The following TRIP11 variants were observed in gnomAD, a reference collection of about 807,000 sequenced individuals.
TRIP11 encodes the protein thyroid receptor-interacting protein 11.
A neutral mutation model predicts 223.1 loss-of-function variants in TRIP11; 148 were observed. The observed-to-expected ratio is 0.66, with a 90% CI of 0.58 to 0.76. TRIP11 has a LOEUF of 0.76. TRIP11 is among the 30% of genes least tolerant of loss of function. TRIP11 has a pLI of 0.00. For synonymous variants in TRIP11, 762 were observed against 772.6 expected (o/e 0.99, Z 0.23); for missense variants, 2,043 against 2,222.0 (o/e 0.92, Z 1.62).
chr14:91,997,033 G>A (rs1381267485), intron 13 of TRIP11, among the ~76,000 whole-genome samples: 2 of 152,146 alleles, frequency 1.3e-5, no homozygotes, highest in Admixed American at 6.5e-5. Context: ...TCATTTTGAA[G>A]AGACTTTACC....
chr14:91,992,083 A>AT (rs909109660), intron 15 of TRIP11, among the ~76,000 whole-genome samples: 2 of 144,922 alleles, frequency 1.4e-5, no homozygotes, highest in Non-Finnish European at 3.0e-5. Context: ...CCGTCTCAAA[A>AT]AAAAAAAAAA....
chr14:92,019,384 T>A (rs2057081256), intron 4 of TRIP11, among the ~76,000 whole-genome samples: 1 of 152,212 alleles, frequency 6.6e-6, no homozygotes, highest in Admixed American at 6.5e-5. Flanking sequence ...CCACAGAAGA[T>A]CTACAATACT....
intron 7 of TRIP11, 112 bp from the exon 8 acceptor site, chr14:92,011,907 AAGCAGTAAC>A: frequency 1.1e-6 from 1 of 880,818 alleles, no homozygotes; most frequent in Non-Finnish European, 1.8e-6. Flanking sequence ...CACCACTGGC[AAGCAGTAAC>A]AGTTCTGAGT....
intron 2 of TRIP11, among the ~76,000 whole-genome samples, chr14:92,032,091 C>T (rs762382631): frequency 2.6e-5 from 4 of 152,080 alleles, no homozygotes; most frequent in South Asian, 2.1e-4. Flanking sequence ...TGAGCCACTG[C>T]GCCCAATCTA....
chr14:91,986,809 C>G (rs1436331585), intron 16 of TRIP11, among the ~76,000 whole-genome samples: 1 of 152,186 alleles, frequency 6.6e-6, no homozygotes, highest in Admixed American at 6.5e-5. Context: ...TTCGATCTAA[C>G]TAGACTGTTT....
At position 92,004,357 on chromosome 14, in the gene TRIP11, G is replaced by A. The variant is rs1595387309; in HGVS notation, c.3619C>T (p.Leu1207Phe). The change falls in exon 11 of 21, where the codon CTT (leucine) becomes TTT (phenylalanine). Residue 1207 changes from leucine to phenylalanine, a missense_variant. Coordinates refer to ENST00000267622, the MANE Select transcript of TRIP11 (RefSeq NM_004239.4). ...GGVNSNQFEE[L>F]LQERDKLKQQ... is the part of the protein sequence containing the mutation. ...TTTAACTTGTCACGTTCCTGTAGAA[G>A]CTCCTCAAATTGATTACTATTAACA... 3.7e-6 allele frequency: 6 copies of A among 1,614,080 alleles called. No individual in the cohort carries two copies. The highest frequency in any genetic ancestry group is 3.3e-5 in the Admixed American group (2 of 60,022).
At chr14:92,017,029 G>T (rs2057043169) in intron 5 of TRIP11, among the ~76,000 whole-genome samples, 1 of 152,094 alleles carries the variant, frequency 6.6e-6, no homozygotes, top group African/African-American at 2.4e-5. Flanking sequence ...TCCAATGCAT[G>T]ATATTAGTAT....
chr14:92,034,482 C>T (rs2057302847), intron 1 of TRIP11, among the ~76,000 whole-genome samples: 1 of 150,484 alleles, frequency 6.6e-6, no homozygotes, highest in Non-Finnish European at 1.5e-5. Flanking sequence ...TCTGAGATAA[C>T]AACAGTGCTC....
intron 2 of TRIP11, chr14:92,026,728 G>A (rs776831597): frequency 2.3e-5 from 24 of 1,041,226 alleles, no homozygotes; most frequent in Non-Finnish European, 3.0e-5. Context: ...ACAGGAAGAA[G>A]GTGGGGAGGA....
Position 92,015,846 on chromosome 14 carries a change from G to C in TRIP11, c.673C>G (p.Arg225Gly). 1.2e-6 allele frequency: 2 copies of C among 1,610,864 alleles called. No individual in the cohort carries two copies. Among genetic ancestry groups the C allele is most frequent in the South Asian group, 1.1e-5 (1 of 90,796 alleles). The change falls in exon 6 of 21, where the codon CGA (arginine) becomes GGA (glycine). Residue 225 changes from arginine (R) to glycine (G), a missense_variant. Arg to Gly is a moderately radical substitution (Grantham distance 125). Transcript: ENST00000267622. ...TGATGGTCATCAATTTCCTGACTTC[G>C]GTTCTGTTTTAGTTCCTTAAAAAAT... ...QNIIKELKQNRSQEIDDHQHE... is the reference protein window; with the variant it reads ...QNIIKELKQNGSQEIDDHQHE...
chr14:92,007,665 T>C lies in TRIP11; in HGVS notation c.1502A>G (p.Asp501Gly). The change falls in exon 10 of 21, where the codon GAC (aspartate) becomes GGC (glycine). Residue 501 changes from aspartate to glycine, a missense_variant. Transcript: ENST00000267622. ...ETLIAEIEEL[D>G]RQNQEATKHM... ...CTTTGTAGCTTCTTGATTCTGTCTG[T>C]CCAATTCTTCTATCTCAGCTATCAG... 15 of 1,613,564 alleles carry C rather than the reference T, an allele frequency of 9.3e-6. No homozygotes were observed. Among genetic ancestry groups the C allele is most frequent in the Non-Finnish European group, 1.3e-5 (15 of 1,179,948 alleles).
At position 91,999,373 on chromosome 14, in the gene TRIP11, G is replaced by A; in HGVS notation, c.4759C>T (p.His1587Tyr). The A allele has an allele frequency of 6.2e-7, 1 of 1,613,858 alleles. No individual in the cohort carries two copies. Among genetic ancestry groups the A allele is most frequent in the Non-Finnish European group, 8.5e-7 (1 of 1,179,892 alleles). Residue 1587 changes from histidine (H) to tyrosine (Y), a missense_variant, in exon 13 of 21, where the codon CAT (histidine) becomes TAT (tyrosine). By Grantham distance (83) the His-to-Tyr change is moderately conservative. Coordinates refer to ENST00000267622, the MANE Select transcript of TRIP11 (RefSeq NM_004239.4). Reference sequence around the variant, plus strand: ...TAAGAATCTTCTGATTCTAAAAGATGATTACGCAATCTCTCTAGCTCTTGG... The same window carrying A: ...TAAGAATCTTCTGATTCTAAAAGATAATTACGCAATCTCTCTAGCTCTTGG... ...SNQELERLRN[H>Y]LLESEDSYTR...
intron 14 of TRIP11, among the ~76,000 whole-genome samples, chr14:91,994,871 T>C: frequency 6.6e-6 from 1 of 152,192 alleles, no homozygotes; most frequent in Non-Finnish European, 1.5e-5. Context: ...CTAGAAAATG[T>C]AGTTACCTCA....
At chr14:91,999,114 TTTC>T in intron 13 of TRIP11, 123 bp downstream of exon 13, 1 of 1,104,920 alleles carries the variant, frequency 9.1e-7, no homozygotes, top group Non-Finnish European at 1.3e-6. Flanking sequence ...TTACCTTCAG[TTTC>T]TTCATCCATA....
At position 91,978,823 on chromosome 14, in the gene TRIP11, A is replaced by G. The variant is rs1030713747; in HGVS notation, c.5261-2634T>C. 3.9e-5 allele frequency among the ~76,000 whole-genome samples: 6 copies of G among 152,136 alleles called. No individual in the cohort carries two copies. Among genetic ancestry groups the G allele is most frequent in the African/African-American group, 1.4e-4 (6 of 41,432 alleles). Reference sequence around the variant, plus strand: ...CCTATATAAAACATATTATCAAACAATTTCACCTATAGCTTTTTACTGTTT... The same window carrying G: ...CCTATATAAAACATATTATCAAACAGTTTCACCTATAGCTTTTTACTGTTT... On this transcript the variant is annotated intron_variant, in intron 16 of 20. Transcript: ENST00000267622. The surrounding 1 kb of genome is among the most constrained non-coding windows in gnomAD (Gnocchi z 4.4).
intron 16 of TRIP11, among the ~76,000 whole-genome samples, chr14:91,979,994 G>A (rs1386254738): frequency 7.0e-6 from 1 of 142,328 alleles, no homozygotes; most frequent in Non-Finnish European, 1.5e-5. Context: ...AAAAAAAAAA[G>A]GTGGAGGGGG....
chr14:92,001,095 A>C (rs1236344107), intron 11 of TRIP11, among the ~76,000 whole-genome samples: 3 of 152,106 alleles, frequency 2.0e-5, no homozygotes, highest in African/African-American at 7.2e-5. Context: ...TCCTGTCCTC[A>C]GGGGATCCAC....
At chr14:91,985,608 A>C (rs552449717) in intron 16 of TRIP11, among the ~76,000 whole-genome samples, 190 of 152,388 alleles carry the variant, frequency 1.2e-3, no homozygotes, top group Non-Finnish European at 1.5e-3. Flanking sequence ...GAAACTGTGT[A>C]TCAATTAATC....
At chr14:91,992,977 G>A (rs1485387144) in intron 15 of TRIP11, among the ~76,000 whole-genome samples, 1 of 141,366 alleles carries the variant, frequency 7.1e-6, no homozygotes, top group Admixed American at 7.4e-5. Flanking sequence ...ACGTTGTTTT[G>A]GTGTCCTATC....
Sources: allele counts gnomAD v4.1 joint callset (sites outside exome capture counted in the v4.1 genomes callset), GRCh38; gene constraint gnomAD v4.1.1; non-coding constraint Gnocchi (gnomAD v3.1); transcripts MANE v1.5; gene names NCBI Gene and HGNC (gene_info 2026-07-23, HGNC 2026-07-21).